The following EXTL3 variants were observed in gnomAD, a reference collection of about 807,000 sequenced individuals.
EXTL3 encodes the protein exostosin like glycosyltransferase 3.
EXTL3 carries 27 observed loss-of-function variants against 69.3 expected under a neutral mutation model. That is an observed-to-expected ratio of 0.39 (90% CI 0.29 to 0.54). The LOEUF (loss-of-function observed/expected upper bound fraction) is 0.54. Among genes scored for constraint, EXTL3 ranks in the 20% least tolerant of loss-of-function variants. EXTL3 has a pLI of 0.69. For missense variants in EXTL3, 1,003 were observed against 1,231.8 expected (o/e 0.81, Z 2.78); for synonymous variants, 511 against 499.4 (o/e 1.02, Z -0.31).
chr8:28,669,185 G>C (rs1807246663), intron 1 of EXTL3, among the ~76,000 whole-genome samples: 1 of 152,086 alleles, frequency 6.6e-6, no homozygotes, highest in Admixed American at 6.6e-5. Flanking sequence ...AATCTCTGAG[G>C]CCCTTTATGG....
At position 28,715,813 on chromosome 8, in the gene EXTL3, T is replaced by G; in HGVS notation, c.-247T>G. The stretch of plus-strand genomic sequence containing the variant: ...GCAAGAATGTGGCACCTTTTATCGT[T>G]TGATAAAGATTAAGGACATGTTCTT... On this transcript the variant is annotated 5_prime_UTR_variant, in exon 3 of 7. Coordinates refer to ENST00000220562, the MANE Select transcript of EXTL3 (RefSeq NM_001440.4). The G allele has an allele frequency of 2.0e-6, 1 of 501,252 alleles. No individual in the cohort carries two copies. The allele number at this position is 501,252 out of a possible 1,614,324, so 31.1% of individuals were successfully genotyped here. A position where few individuals can be genotyped will look rare whatever the true frequency, so the allele number is the denominator to read the frequency against.
chr8:28,659,631 G>A (rs1394900955), intron 1 of EXTL3, among the ~76,000 whole-genome samples: 3 of 152,130 alleles, frequency 2.0e-5, no homozygotes, highest in African/African-American at 7.2e-5. Flanking sequence ...TTTCCCAGAT[G>A]CAACCCCAGG....
intron 3 of EXTL3, among the ~76,000 whole-genome samples, chr8:28,718,729 T>G (rs1453799669): frequency 1.3e-5 from 2 of 152,208 alleles, no homozygotes; most frequent in Admixed American, 1.3e-4. Flanking sequence ...CCAAAGGGTT[T>G]AGGAAGGCCT....
Position 28,716,817 on chromosome 8 carries a change from C to T in EXTL3, c.758C>T (p.Pro253Leu), listed in dbSNP as rs1248841409. The part of the protein sequence containing the change: ...GEMQEPVVLR[P>L]AELEKQLYSL... ...ATGCAGGAGCCGGTGGTGCTGCGGC[C>T]TGCTGAGCTGGAGAAGCAGTTGTAT... is the stretch of plus-strand genomic sequence containing the variant. Residue 253 changes from proline to leucine, a missense_variant, in exon 3 of 7, where the codon CCT becomes CTT. Physicochemically the swap from Pro to Leu is moderately conservative, Grantham distance 98 (BLOSUM62 -3). Coordinates refer to ENST00000220562, the MANE Select transcript of EXTL3 (RefSeq NM_001440.4). The surrounding 1 kb of genome is among the most constrained non-coding windows in gnomAD (Gnocchi z 7.1). The T allele has an allele frequency of 6.2e-6, 10 of 1,614,092 alleles. No homozygotes were observed. The highest frequency in any genetic ancestry group is 1.7e-5 in the Admixed American group (1 of 60,016).
intron 4 of EXTL3, among the ~76,000 whole-genome samples, chr8:28,737,088 G>C (rs1351322426): frequency 6.6e-6 from 1 of 152,196 alleles, no homozygotes; most frequent in Non-Finnish European, 1.5e-5. Flanking sequence ...GAGGTTACAG[G>C]CATGAGCCAT....
chr8:28,611,621 G>T (rs2130530705), intron 2 of EXTL3, among the ~76,000 whole-genome samples: 1 of 152,300 alleles, frequency 6.6e-6, no homozygotes, highest in East Asian at 1.9e-4. Context: ...AGCGAGAGGG[G>T]TGATGACCCA....
chr8:28,667,126 A>G (rs189566207), intron 1 of EXTL3, among the ~76,000 whole-genome samples: 11 of 152,348 alleles, frequency 7.2e-5, no homozygotes, highest in Admixed American at 2.6e-4. Context: ...TACCTGTCAG[A>G]GAAAAATTGC....
chr8:28,717,812 G>A lies in EXTL3; in HGVS notation c.1753G>A (p.Ala585Thr), dbSNP rs530699484. ...GCCAGTGGAGACGGAGCCGCCCTAC[G>A]CCTCACCCAGATACCTCCGCAATTT... ...LGPVETEPPYASPRYLRNFTL... is the reference protein window; with the variant it reads ...LGPVETEPPYTSPRYLRNFTL... Residue 585 changes from alanine to threonine, a missense_variant, in exon 3 of 7, where the codon GCC (alanine) becomes ACC (threonine). Around this residue, in one of 2 missense-constraint regions of EXTL3, gnomAD observed 742 missense variants for 815.4 expected, o/e 0.91. Transcript: ENST00000220562. This position sits in a 1 kb window ranked among gnomAD's most constrained non-coding sequence, Gnocchi z 8.3. 24 of 1,612,422 alleles carry A rather than the reference G, an allele frequency of 1.5e-5. No individual in the cohort carries two copies. The highest frequency in any genetic ancestry group is 1.7e-4 in the Middle Eastern group (1 of 6,052).
At chr8:28,642,881 A>G (rs1001181416) in intron 1 of EXTL3, among the ~76,000 whole-genome samples, 4 of 152,196 alleles carry the variant, frequency 2.6e-5, no homozygotes, top group Non-Finnish European at 5.9e-5. Context: ...TACTTTTAAA[A>G]TGACTTTTAT....
At chr8:28,737,417 C>A in intron 4 of EXTL3, 102 bp from the exon 5 acceptor site, 2 of 1,288,994 alleles carry the variant, frequency 1.6e-6, no homozygotes, top group Non-Finnish European at 2.3e-6. Flanking sequence ...GAAGTAAAAG[C>A]CTAAGGGCCA....
Position 28,751,070 on chromosome 8 carries a change from C to T in EXTL3, c.*204C>T, listed in dbSNP as rs564792562. The T allele has an allele frequency of 6.7e-4, 392 of 589,166 alleles. 3 individuals carry two copies. The Middle Eastern group carries it at 0.016, about 24-fold the overall frequency. 36.5% of individuals were successfully genotyped at this position (589,166 alleles called of 1,614,324 possible). ...GGCCTGGAGCCCTGGGCGGAGTCCC[C>T]GGGGTTCCCCACACAGGGCACTGAC... is the stretch of plus-strand genomic sequence containing the variant. On this transcript the variant is annotated 3_prime_UTR_variant, in exon 7 of 7. Transcript: ENST00000220562.
In EXTL3 at chr8:28,716,802, C is replaced by CGGT; in HGVS notation, c.748_750dup (p.Val250dup). 1 of 1,614,218 alleles carries CGGT rather than the reference C, an allele frequency of 6.2e-7. No homozygotes were observed. ...ATACTAGTGGGAGAGATGCAGGAGC[C>CGGT]GGTGGTGCTGCGGCCTGCTGAGCTG... On this transcript the variant is annotated inframe_insertion, in exon 3 of 7. Transcript: ENST00000220562. The surrounding 1 kb of genome is among the most constrained non-coding windows in gnomAD (Gnocchi z 7.1).
Position 28,750,878 on chromosome 8 carries a change from G to T in EXTL3, c.*12G>T, listed in dbSNP as rs1414615090. The stretch of plus-strand genomic sequence containing the variant: ...TCAAGTTCATCTAGGGGCAGCGCAC[G>T]GTCTGGGGAAGAGGATGAGCAGAGG... On this transcript the variant is annotated 3_prime_UTR_variant, in exon 7 of 7. Transcript: ENST00000220562. This position sits in a 1 kb window ranked among gnomAD's most constrained non-coding sequence, Gnocchi z 5.2. 8 of 1,612,134 alleles carry T rather than the reference G, an allele frequency of 5.0e-6. 1 individual carries two copies. The South Asian group carries it at 8.8e-5, about 18-fold the overall frequency.
intron 1 of EXTL3, among the ~76,000 whole-genome samples, chr8:28,691,296 T>C (rs1800609740): frequency 6.6e-6 from 1 of 152,248 alleles, no homozygotes; most frequent in African/African-American, 2.4e-5. Flanking sequence ...ACTCACAAAC[T>C]TGTCTGTGCT....
At chr8:28,659,200 G>A (rs988410719) in intron 1 of EXTL3, among the ~76,000 whole-genome samples, 1 of 151,754 alleles carries the variant, frequency 6.6e-6, no homozygotes, top group African/African-American at 2.4e-5. Context: ...TCTCTTGGGG[G>A]ATTATTACAT....
At chr8:28,659,619 G>C (rs150087523) in intron 1 of EXTL3, among the ~76,000 whole-genome samples, 1 of 152,044 alleles carries the variant, frequency 6.6e-6, no homozygotes, top group East Asian at 1.9e-4. Flanking sequence ...TCCGGGTGTC[G>C]GTTTCCCAGA....
chr8:28,715,949 A>G lies in EXTL3; in HGVS notation c.-111A>G, dbSNP rs1381246506. ...ATTTGGTGCCTTGTCTGGGGAGCAC[A>G]CTAACTCTTCTGGAAACGTGTCAGT... is the stretch of plus-strand genomic sequence containing the variant. On this transcript the variant is annotated 5_prime_UTR_variant, in exon 3 of 7. Transcript: ENST00000220562. The G allele has an allele frequency of 5.7e-6, 5 of 873,998 alleles. No homozygotes were observed. In the Admixed American group the frequency reaches 1.1e-4, roughly 19 times the overall value. 54.1% of individuals were successfully genotyped at this position (873,998 alleles called of 1,614,324 possible).
At chr8:28,694,124 T>G (rs1490697035) in intron 1 of EXTL3, among the ~76,000 whole-genome samples, 2 of 152,208 alleles carry the variant, frequency 1.3e-5, no homozygotes, top group African/African-American at 2.4e-5. Context: ...GAAGTAACTG[T>G]TATCACCAGT....
At chr8:28,695,151 C>T (rs1405252526) in intron 1 of EXTL3, among the ~76,000 whole-genome samples, 19 of 121,816 alleles carry the variant, frequency 1.6e-4, no homozygotes, top group African/African-American at 5.2e-4. Flanking sequence ...TTTTTTGAGG[C>T]GGAGTTTTGC....
Sources: gnomAD v4.1 joint callset for allele counts (sites outside exome capture counted in the v4.1 genomes callset) on GRCh38, gnomAD v4.1.1 for gene constraint, gnomAD v4.1.1 regional missense constraint, Gnocchi (gnomAD v3.1) non-coding constraint, MANE v1.5 for transcripts, NCBI Gene and HGNC (gene_info 2026-07-23, HGNC 2026-07-21) for gene names.